MACF1: variants seen among roughly 807,000 people sequenced by gnomAD.
MACF1 encodes microtubule actin crosslinking factor 1, also known as microtubule-actin cross-linking factor 1.
Under a neutral mutation model 854.8 loss-of-function variants are expected in MACF1, and 193 were observed. The observed-to-expected ratio is 0.23, with a 90% CI of 0.20 to 0.25. MACF1 has a LOEUF of 0.25. MACF1 is among the 10% of genes least tolerant of loss of function. MACF1 has a pLI of 1.00. For synonymous variants in MACF1, 3,185 were observed against 3,226.7 expected (o/e 0.99, Z 0.44); for missense variants, 7,722 against 8,929.1 (o/e 0.86, Z 5.45).
At chr1:39,374,833 G>A (rs189228009) in intron 52 of MACF1, among the ~76,000 whole-genome samples, 10 of 152,112 alleles carry the variant, frequency 6.6e-5, no homozygotes, top group South Asian at 2.1e-4. Flanking sequence ...GTTGGCTGCC[G>A]GGCGCAGTGG....
intron 2 of MACF1, among the ~76,000 whole-genome samples, chr1:39,102,126 G>A (rs1642098282): frequency 6.6e-6 from 1 of 151,516 alleles, no homozygotes; most frequent in Non-Finnish European, 1.5e-5. Context: ...GCAGTAAGCC[G>A]AGATCGCGCC....
rs983319726 is a variant in MACF1 at position 39,335,932 on chromosome 1, A to G, written c.9344A>G (p.Gln3115Arg). The G allele has an allele frequency of 1.2e-6, 2 of 1,614,202 alleles. No homozygotes were observed. Among genetic ancestry groups the G allele is most frequent in the Non-Finnish European group, 8.5e-7 (1 of 1,180,032 alleles). The change falls in exon 37 of 101, where the codon CAG (glutamine) becomes CGG (arginine). Residue 3115 changes from glutamine (Q) to arginine (R), a missense_variant. Gln to Arg is a conservative substitution (Grantham distance 43). Transcript: ENST00000564288. Reference sequence around the variant, plus strand: ...CCAAGACCTGAAGGATTGCACTACCAGGAATCAGATGGAAAAGCCCAAGTG... The same window carrying G: ...CCAAGACCTGAAGGATTGCACTACCGGGAATCAGATGGAAAAGCCCAAGTG... ...MTPRPEGLHY[Q>R]ESDGKAQVTG...
intron 84 of MACF1, 93 bp downstream of exon 84, chr1:39,448,856 A>C: frequency 2.0e-6 from 2 of 1,013,512 alleles, no homozygotes; most frequent in Non-Finnish European, 2.8e-6. Context: ...AAGCTAATGC[A>C]TCAGTAAGAG....
rs527929594 is a variant in MACF1 at position 39,482,506 on chromosome 1, G to T, written c.22281+1476G>T. On this transcript the variant is annotated intron_variant, in intron 99 of 100. Transcript: ENST00000564288. Reference sequence around the variant, plus strand: ...ATGTGGCATAAGTAATGTTTTGGGGGTTTTTTTGTTTGTTTGTTTGTTTGT... The same window carrying T: ...ATGTGGCATAAGTAATGTTTTGGGGTTTTTTTTGTTTGTTTGTTTGTTTGT... Among the ~76,000 whole-genome samples the T allele has an allele frequency of 1.9e-4, 27 of 144,918 alleles. No individual in the cohort carries two copies. In the East Asian group the frequency reaches 2.4e-3, roughly 13 times the overall value.
At chr1:39,115,505 G>A (rs751328196) in intron 2 of MACF1, among the ~76,000 whole-genome samples, 6 of 152,144 alleles carry the variant, frequency 3.9e-5, no homozygotes, top group Non-Finnish European at 8.8e-5. Flanking sequence ...TTTCTGTGAA[G>A]TGGTGGCAGT....
chr1:39,096,405 ACTT>A (rs936055534), intron 2 of MACF1, among the ~76,000 whole-genome samples: 7 of 151,590 alleles, frequency 4.6e-5, no homozygotes, highest in Admixed American at 2.0e-4. Context: ...TTGCAACCCC[ACTT>A]CTCCCTCCCC....
In MACF1 at chr1:39,448,122, C is replaced by G; in HGVS notation, c.20058C>G (p.Asp6686Glu). The change falls in exon 83 of 101, where the codon GAC becomes GAG. Residue 6686 changes from aspartate to glutamate, a missense_variant. Transcript: ENST00000564288. ...DSELEISNDP[D>E]KIKLQLSKHK... ...AACTAGAGATATCCAATGACCCAGACAAAATTAAACTTCAGCTTTCTAAGC... is the reference window on the plus strand; with the variant it reads ...AACTAGAGATATCCAATGACCCAGAGAAAATTAAACTTCAGCTTTCTAAGC... 6.2e-7 allele frequency: 1 copy of G among 1,614,030 alleles called. No homozygotes were observed. Among genetic ancestry groups the G allele is most frequent in the East Asian group, 2.2e-5 (1 of 44,878 alleles).
intron 97 of MACF1, among the ~76,000 whole-genome samples, chr1:39,477,860 A>C (rs1434257592): frequency 2.0e-5 from 3 of 152,026 alleles, no homozygotes; most frequent in Non-Finnish European, 2.9e-5. Flanking sequence ...GTGCATAGGG[A>C]ACATATCACC....
chr1:39,101,521 G>T (rs941341400), intron 2 of MACF1, among the ~76,000 whole-genome samples: 22 of 148,160 alleles, frequency 1.5e-4, no homozygotes, highest in Non-Finnish European at 2.7e-4. Flanking sequence ...GAGCCACTAT[G>T]CATAGCATTA....
intron 2 of MACF1, among the ~76,000 whole-genome samples, chr1:39,188,623 T>TATTG (rs747626743): frequency 1.0e-3 from 158 of 152,240 alleles, no homozygotes; most frequent in Non-Finnish European, 1.6e-3. Flanking sequence ...TGTCAAAGTT[T>TATTG]ATTGATTGAT....
rs1419681615 is a variant in MACF1, at chr1:39,254,801, C to CT, written c.435+427dup. Among the ~76,000 whole-genome samples the CT allele has an allele frequency of 2.0e-5, 3 of 152,024 alleles. No homozygotes were observed. The East Asian group carries it at 5.8e-4, about 29-fold the overall frequency. On this transcript the variant is annotated intron_variant, in intron 5 of 100. Transcript: ENST00000564288. Reference sequence around the variant, plus strand: ...GCCACATCAGATCTGAGAAAAAGGTCTAAGTTGTTAAGCACTGATAACTTA... The same window carrying CT: ...GCCACATCAGATCTGAGAAAAAGGTCTTAAGTTGTTAAGCACTGATAACTTA...
intron 2 of MACF1, among the ~76,000 whole-genome samples, chr1:39,099,752 T>A (rs1642020220): frequency 6.6e-6 from 1 of 152,326 alleles, no homozygotes; most frequent in Non-Finnish European, 1.5e-5. Flanking sequence ...ATTGAACATC[T>A]ACTATGTGCA....
intron 22 of MACF1, 32 bp downstream of exon 22, chr1:39,300,394 C>A: frequency 6.3e-7 from 1 of 1,588,158 alleles, no homozygotes; most frequent in Non-Finnish European, 8.6e-7. Context: ...CTCTGGGCCA[C>A]AGGGGGAAGG....
intron 95 of MACF1, among the ~76,000 whole-genome samples, chr1:39,467,586 A>G (rs1328442518): frequency 2.6e-5 from 4 of 152,214 alleles, no homozygotes; most frequent in African/African-American, 9.7e-5. Flanking sequence ...TGTTTGGGCA[A>G]GAAAAAAGGG....
At chr1:39,463,813 A>G (rs1160507256) in intron 94 of MACF1, 127 bp downstream of exon 94, 2 of 727,562 alleles carry the variant, frequency 2.7e-6, no homozygotes, top group Non-Finnish European at 4.8e-6. Flanking sequence ...CTCTGACCTC[A>G]TCTCTATAGA....
At chr1:39,405,057 G>A (rs950941253) in intron 58 of MACF1, among the ~76,000 whole-genome samples, 14 of 152,164 alleles carry the variant, frequency 9.2e-5, no homozygotes, top group Non-Finnish European at 2.9e-5. Context: ...GCAGGAAAGG[G>A]CTTACAGGGG....
At chr1:39,158,965 G>A (rs552683390) in intron 2 of MACF1, among the ~76,000 whole-genome samples, 7 of 152,114 alleles carry the variant, frequency 4.6e-5, no homozygotes, top group Non-Finnish European at 1.0e-4. Context: ...CAACTGGGCC[G>A]GGCATGAACG....
chr1:39,120,548 G>T (rs1642673990), intron 2 of MACF1, among the ~76,000 whole-genome samples: 3 of 152,206 alleles, frequency 2.0e-5, no homozygotes, highest in Admixed American at 2.0e-4. Context: ...TATTTTAGTA[G>T]ACACAGGGTT....
At chr1:39,212,783 C>A in intron 1 of MACF1, among the ~76,000 whole-genome samples, 1 of 152,084 alleles carries the variant, frequency 6.6e-6, no homozygotes. Context: ...CCGCCATGCC[C>A]GGCTAATTTT....
Sources: gnomAD v4.1 joint callset for allele counts (sites outside exome capture counted in the v4.1 genomes callset) on GRCh38, gnomAD v4.1.1 for gene constraint, MANE v1.5 for transcripts, NCBI Gene and HGNC (gene_info 2026-07-23, HGNC 2026-07-21) for gene names.